ABCA13: variants seen among roughly 807,000 people sequenced by gnomAD.
ABCA13 encodes ATP binding cassette subfamily A member 13.
Under a neutral mutation model 478.7 loss-of-function variants are expected in ABCA13, and 476 were observed. That is an observed-to-expected ratio of 0.99 (90% confidence interval 0.92 to 1.07). ABCA13 has a LOEUF of 1.07. ABCA13 is among the 50% of genes least tolerant of loss of function. ABCA13 has a pLI of 0.00. For synonymous variants in ABCA13, 2,252 were observed against 2,158.9 expected, an observed-to-expected ratio of 1.04 and a Z score of -1.20; for missense variants, 6,060 against 5,910.6, an observed-to-expected ratio of 1.03 and a Z score of -0.83.
At chr7:48,347,165 T>A (rs1425228315) in intron 29 of ABCA13, among the ~76,000 whole-genome samples, 1 of 152,138 alleles carries the variant, frequency 6.6e-6, no homozygotes, top group Non-Finnish European at 1.5e-5. Context: ...AGGTACTAGG[T>A]GGTGTTCCAG....
At chr7:48,475,986 C>T (rs2130419885) in intron 45 of ABCA13, among the ~76,000 whole-genome samples, 1 of 152,302 alleles carries the variant, frequency 6.6e-6, no homozygotes, top group East Asian at 1.9e-4. Context: ...GTCATCGGGA[C>T]TGAGTGTGGC....
chr7:48,394,798 A>G (rs1387785927), intron 38 of ABCA13, among the ~76,000 whole-genome samples: 3 of 152,152 alleles, frequency 2.0e-5, no homozygotes, highest in African/African-American at 7.2e-5. Flanking sequence ...TCGCTTGAGC[A>G]GTATATACTG....
chr7:48,426,502 G>A (rs1821443095), intron 41 of ABCA13, among the ~76,000 whole-genome samples: 2 of 152,148 alleles, frequency 1.3e-5, no homozygotes, highest in South Asian at 4.1e-4. Flanking sequence ...CAGAAGTGAG[G>A]CAGGGTGCTC....
chr7:48,426,142 A>G (rs1412471274), intron 41 of ABCA13, among the ~76,000 whole-genome samples: 1 of 152,206 alleles, frequency 6.6e-6, no homozygotes, highest in Non-Finnish European at 1.5e-5. Flanking sequence ...AATGTTATTA[A>G]TCATTCTTCT....
At chr7:48,585,883 A>G (rs1166147321) in intron 56 of ABCA13, among the ~76,000 whole-genome samples, 1 of 152,208 alleles carries the variant, frequency 6.6e-6, no homozygotes, top group Admixed American at 6.5e-5. Flanking sequence ...TTGGAAACAA[A>G]AAAATTGCTT....
chr7:48,580,779 G>T (rs1419371895), intron 56 of ABCA13, among the ~76,000 whole-genome samples: 1 of 152,064 alleles, frequency 6.6e-6, no homozygotes, highest in African/African-American at 2.4e-5. Context: ...TGTGGAATCT[G>T]GGGGACTGCT....
chr7:48,500,243 T>C (rs1009363105), intron 48 of ABCA13, among the ~76,000 whole-genome samples: 5 of 152,172 alleles, frequency 3.3e-5, no homozygotes, highest in Non-Finnish European at 7.3e-5. Flanking sequence ...AGTTCTGCTT[T>C]CTAACGTTTT....
intron 25 of ABCA13, among the ~76,000 whole-genome samples, chr7:48,313,983 ATG>A (rs1554436363): frequency 1.8e-3 from 141 of 78,002 alleles, no homozygotes; most frequent in Middle Eastern, 5.7e-3. Context: ...GTGTGTGTGT[ATG>A]TGTGTGTGTG....
At chr7:48,588,990 A>T (rs1454830150) in intron 57 of ABCA13, among the ~76,000 whole-genome samples, 2 of 152,206 alleles carry the variant, frequency 1.3e-5, no homozygotes, top group Non-Finnish European at 2.9e-5. Flanking sequence ...AGAAAAGACT[A>T]GATATTTATT....
chr7:48,423,919 G>C (rs1464005627), intron 41 of ABCA13, among the ~76,000 whole-genome samples: 1 of 152,154 alleles, frequency 6.6e-6, no homozygotes, highest in African/African-American at 2.4e-5. Flanking sequence ...CAAAACATTA[G>C]ATAAGATTGA....
At chr7:48,580,505 G>C in intron 56 of ABCA13, 131 bp downstream of exon 56, 1 of 766,568 alleles carries the variant, frequency 1.3e-6, no homozygotes, top group Non-Finnish European at 2.0e-6. Flanking sequence ...TTACCTGCAA[G>C]AGATTTTCTA....
At chr7:48,239,027 TC>T (rs1790400631) in intron 8 of ABCA13, among the ~76,000 whole-genome samples, 1 of 152,212 alleles carries the variant, frequency 6.6e-6, no homozygotes, top group Non-Finnish European at 1.5e-5. Context: ...AAACAGCTGT[TC>T]CTATTGTTTG....
Position 48,591,787 on chromosome 7 carries a change from A to G in ABCA13, c.14641-2923A>G, listed in dbSNP as rs2131419604. Among the ~76,000 whole-genome samples, 2 of 152,060 alleles carry G rather than the reference A, an allele frequency of 1.3e-5. 1 individual carries two copies. The highest frequency in any genetic ancestry group is 4.1e-4 in the South Asian group (2 of 4,832). On this transcript the variant is annotated intron_variant, in intron 57 of 61. Coordinates refer to ENST00000435803, the MANE Select transcript of ABCA13 (RefSeq NM_152701.5). ...CTGATAACCCATTGTTATTTTATGG[A>G]AGCACTATTGATATTTGTATGTTGA...
At chr7:48,241,850 C>G (rs190388229) in intron 10 of ABCA13, among the ~76,000 whole-genome samples, 40 of 152,298 alleles carry the variant, frequency 2.6e-4, no homozygotes, top group African/African-American at 7.9e-4. Context: ...TTCACATTTT[C>G]TGGAACTTTT....
chr7:48,275,837 A>T lies in ABCA13; in HGVS notation c.6171A>T (p.Glu2057Asp), dbSNP rs1198499385. ...EKSETPYNFE[E>D]LWPKFQQIMK... Reference sequence around the variant, plus strand: ...GTGAAACACCTTACAACTTTGAAGAACTATGGCCCAAGTTTCAACAAATCA... The same window carrying T: ...GTGAAACACCTTACAACTTTGAAGATCTATGGCCCAAGTTTCAACAAATCA... The change falls in exon 17 of 62, where the codon GAA (glutamate) becomes GAT (aspartate). Residue 2057 changes from glutamate (E) to aspartate (D), a missense_variant. By Grantham distance (45) the Glu-to-Asp change is conservative. This residue lies in a region of ABCA13 where 4,423 missense variants were observed against 4,309.1 expected (regional missense o/e 1.03). Coordinates refer to ENST00000435803, the MANE Select transcript of ABCA13 (RefSeq NM_152701.5). 2 of 1,613,360 alleles carry T rather than the reference A, an allele frequency of 1.2e-6. No individual in the cohort carries two copies. The highest frequency in any genetic ancestry group is 2.2e-5 in the South Asian group (2 of 91,020).
intron 55 of ABCA13, 57 bp from the exon 56 acceptor site, chr7:48,580,167 G>A: frequency 6.7e-7 from 1 of 1,494,636 alleles, no homozygotes; most frequent in Non-Finnish European, 8.9e-7. Context: ...TTTTAAAAAT[G>A]GGTTGGTGCC....
chr7:48,233,231 A>G (rs1789432847), intron 7 of ABCA13, among the ~76,000 whole-genome samples: 1 of 152,184 alleles, frequency 6.6e-6, no homozygotes, highest in African/African-American at 2.4e-5. Context: ...ATGCTTGTGA[A>G]AATGGCTTAT....
intron 48 of ABCA13, among the ~76,000 whole-genome samples, chr7:48,495,662 A>T (rs1402639749): frequency 1.3e-5 from 2 of 152,160 alleles, no homozygotes; most frequent in African/African-American, 2.4e-5. Flanking sequence ...CGAGTAGTAA[A>T]GTCTCCAAAT....
Position 48,239,347 on chromosome 7 carries a change from G to A in ABCA13, c.1004G>A (p.Trp335Ter), listed in dbSNP as rs1301725289. ...WGHVGGCHPK[W>*]SEAKNYLVHA... ...CACGTTGGAGGCTGCCACCCTAAGT[G>A]GTCAGAAGCCAAAAACTATCTTGTC... The change falls in exon 9 of 62, where the codon TGG becomes TAG. Residue 335 changes from tryptophan to a stop codon, truncating the protein, a stop_gained. Transcript: ENST00000435803. LOFTEE classifies it high-confidence loss of function. The A allele has an allele frequency of 6.2e-7, 1 of 1,613,870 alleles. No individual in the cohort carries two copies.
Sources: gnomAD v4.1 joint callset for allele counts (sites outside exome capture counted in the v4.1 genomes callset) on GRCh38, gnomAD v4.1.1 for gene constraint, gnomAD v4.1.1 regional missense constraint, MANE v1.5 for transcripts, NCBI Gene and HGNC (gene_info 2026-07-23, HGNC 2026-07-21) for gene names.